Variants in SLX4IP observed in about 807,000 individuals in gnomAD.
SLX4IP encodes protein SLX4IP.
In SLX4IP, 34 loss-of-function variants were observed where a neutral mutation model predicts 32.9. That is an observed-to-expected ratio of 1.03 (90% CI 0.79 to 1.38). The LOEUF (loss-of-function observed/expected upper bound fraction) is 1.38, where lower values mean the gene tolerates loss of function less well. SLX4IP is among the 40% of genes most tolerant of loss of function. The pLI is 0.00. For missense variants in SLX4IP, 444 were observed against 479.0 expected (o/e 0.93, Z 0.68); for synonymous variants, 172 against 171.7 (o/e 1.00, Z -0.01).
intron 2 of SLX4IP, among the ~76,000 whole-genome samples, chr20:10,472,975 AGTTT>A (rs2065438730): frequency 6.6e-6 from 1 of 152,294 alleles, no homozygotes; most frequent in East Asian, 1.9e-4. Context: ...AAAACTGTTA[AGTTT>A]GTTTATCTGT....
In SLX4IP at chr20:10,465,255, G is replaced by C. The variant is rs150017863; in HGVS notation, c.27+7024G>C. Among the ~76,000 whole-genome samples, 973 of 152,236 alleles carry C rather than the reference G, an allele frequency of 6.4e-3. 10 individuals are homozygous for C. Among genetic ancestry groups the C allele is most frequent in the African/African-American group, 0.022 (915 of 41,536 alleles). The stretch of plus-strand genomic sequence containing the variant: ...CAAAATAATAAACTCTTTAGGGTAG[G>C]GAAAAGATCTAGACCAGAGATCTGC... On this transcript the variant is annotated intron_variant, in intron 2 of 7. Coordinates refer to ENST00000334534, the MANE Select transcript of SLX4IP (RefSeq NM_001009608.3).
At chr20:10,600,763 T>G (rs1422036912) in intron 5 of SLX4IP, among the ~76,000 whole-genome samples, 1 of 152,196 alleles carries the variant, frequency 6.6e-6, no homozygotes, top group African/African-American at 2.4e-5. Flanking sequence ...TGGTCTCATG[T>G]AAGAGGGAAG....
intron 2 of SLX4IP, among the ~76,000 whole-genome samples, chr20:10,469,671 C>T (rs76868720): frequency 6.6e-6 from 1 of 152,098 alleles, no homozygotes. Context: ...TCAGTAAGCA[C>T]CTTGGATTCT....
Position 10,444,068 on chromosome 20 carries a change from A to G in SLX4IP, c.-30+8615A>G, listed in dbSNP as rs77263148. ...GAACAGACTAATACAAGCATTGACA[A>G]AAGGGCTTCTGATGCTGTGGGAAAT... On this transcript the variant is annotated intron_variant, in intron 1 of 7. Transcript: ENST00000334534. Among the ~76,000 whole-genome samples the G allele has an allele frequency of 4.6e-3, 696 of 152,286 alleles. 7 individuals are homozygous for G. The highest frequency in any genetic ancestry group is 0.016 in the African/African-American group (653 of 41,566).
chr20:10,540,838 G>A (rs962181522), intron 2 of SLX4IP, among the ~76,000 whole-genome samples: 5 of 152,156 alleles, frequency 3.3e-5, no homozygotes, highest in Admixed American at 6.5e-5. Flanking sequence ...AGCAGACCTC[G>A]CCTGTGTTTG....
chr20:10,459,429 C>T (rs571874967), intron 2 of SLX4IP, among the ~76,000 whole-genome samples: 1 of 152,088 alleles, frequency 6.6e-6, no homozygotes, highest in African/African-American at 2.4e-5. Context: ...GGGGACTTGA[C>T]AATTTTAAGT....
intron 4 of SLX4IP, among the ~76,000 whole-genome samples, chr20:10,574,592 C>CA (rs2066503047): frequency 3.3e-5 from 5 of 152,090 alleles, no homozygotes; most frequent in African/African-American, 1.2e-4. Flanking sequence ...TTCGGCATAT[C>CA]TGGGAACTGG....
At chr20:10,621,988 G>A (rs989051489) in intron 7 of SLX4IP, among the ~76,000 whole-genome samples, 1 of 152,216 alleles carries the variant, frequency 6.6e-6, no homozygotes, top group Non-Finnish European at 1.5e-5. Context: ...TCATCAGAGT[G>A]AAGTTACATT....
intron 2 of SLX4IP, among the ~76,000 whole-genome samples, chr20:10,473,862 G>A (rs1402886151): frequency 6.6e-6 from 1 of 150,426 alleles, no homozygotes; most frequent in African/African-American, 2.5e-5. Flanking sequence ...TTGCTCTGTC[G>A]CCCAGGCTAG....
chr20:10,586,297 G>A (rs544453252), intron 4 of SLX4IP, among the ~76,000 whole-genome samples: 21 of 152,338 alleles, frequency 1.4e-4, no homozygotes, highest in African/African-American at 4.8e-4. Context: ...TGAGAGCTCC[G>A]TTCCAGCAGT....
intron 2 of SLX4IP, among the ~76,000 whole-genome samples, chr20:10,488,789 T>G (rs779672775): frequency 1.3e-5 from 2 of 152,210 alleles, no homozygotes; most frequent in Non-Finnish European, 2.9e-5. Flanking sequence ...CCAATTTTTT[T>G]TCTTTTCATT....
intron 6 of SLX4IP, among the ~76,000 whole-genome samples, chr20:10,620,771 G>A (rs60308882): frequency 0.095 from 14,405 of 152,212 alleles, 927 homozygotes; most frequent in South Asian, 0.26. Context: ...TAGCCAGGAT[G>A]GTCTCGATCT....
chr20:10,447,548 A>G (rs1220254964), intron 1 of SLX4IP, among the ~76,000 whole-genome samples: 1 of 152,096 alleles, frequency 6.6e-6, no homozygotes. Context: ...GTTGCAAAGA[A>G]GTTGTTTCTA....
intron 4 of SLX4IP, among the ~76,000 whole-genome samples, chr20:10,581,761 AT>A (rs952009407): frequency 6.6e-6 from 1 of 151,690 alleles, no homozygotes; most frequent in African/African-American, 2.4e-5. Flanking sequence ...ACAAAAAAAA[AT>A]TTTTTTTTAA....
rs889135989 is a variant in SLX4IP at position 10,510,615 on chromosome 20, T to A, written c.28-45616T>A. Among the ~76,000 whole-genome samples the A allele has an allele frequency of 1.7e-3, 248 of 149,960 alleles. 1 individual carries two copies. The highest frequency in any genetic ancestry group is 5.8e-3 in the African/African-American group (237 of 41,166). ...TATTATTATTATTTTTATTATTTTT[T>A]TTTTTTTTGAGATGCAGTCTCGCTC... On this transcript the variant is annotated intron_variant, in intron 2 of 7. Coordinates refer to ENST00000334534, the MANE Select transcript of SLX4IP (RefSeq NM_001009608.3).
chr20:10,518,489 TTTTCC>T (rs1214526097), intron 2 of SLX4IP, among the ~76,000 whole-genome samples: 1 of 39,426 alleles, frequency 2.5e-5, no homozygotes, highest in Non-Finnish European at 6.0e-5. Context: ...TTTCCTTTCC[TTTTCC>T]TTCCTTCCTT....
intron 3 of SLX4IP, 48 bp downstream of exon 3, chr20:10,556,368 A>G (rs746909799): frequency 8.5e-6 from 13 of 1,530,212 alleles, no homozygotes; most frequent in Middle Eastern, 1.7e-4. Context: ...TGCTGCTGCT[A>G]TAAGAAATAT....
At chr20:10,463,651 G>A (rs1449723302) in intron 2 of SLX4IP, among the ~76,000 whole-genome samples, 1 of 152,190 alleles carries the variant, frequency 6.6e-6, no homozygotes, top group Non-Finnish European at 1.5e-5. Flanking sequence ...CTGTCAGGTA[G>A]CATGGGAATG....
chr20:10,517,784 G>T (rs941298126), intron 2 of SLX4IP, among the ~76,000 whole-genome samples: 1 of 152,110 alleles, frequency 6.6e-6, no homozygotes, highest in Non-Finnish European at 1.5e-5. Context: ...CAGCAGCTTT[G>T]TCAGCTTATC....
Sources: allele counts gnomAD v4.1 joint callset (sites outside exome capture counted in the v4.1 genomes callset), GRCh38; gene constraint gnomAD v4.1.1; transcripts MANE v1.5; gene names NCBI Gene and HGNC (gene_info 2026-07-23, HGNC 2026-07-21).